Variants in RANBP2 observed in about 807,000 individuals in gnomAD.
RANBP2 encodes RAN binding protein 2.
In RANBP2, 57 loss-of-function variants were observed where a neutral mutation model predicts 303.6. The ratio of observed to expected loss-of-function variants is 0.19; its 90% CI spans 0.15 to 0.23. RANBP2 has a LOEUF of 0.23. RANBP2 is among the 10% of genes least tolerant of loss of function. RANBP2 has a pLI of 1.00. For synonymous variants in RANBP2, 1,167 were observed against 1,301.5 expected (o/e 0.90, Z 2.23); for missense variants, 3,138 against 3,780.8 (o/e 0.83, Z 4.46).
At chr2:108,996,210 G>A in the RANBP2 span, among the ~76,000 whole-genome samples, 3 of 152,190 alleles carry the variant, frequency 2.0e-5, no homozygotes, top group Non-Finnish European at 4.4e-5. Context: ...TAGGTGCCAG[G>A]CTTCTGGTGT....
the RANBP2 span, among the ~76,000 whole-genome samples, chr2:108,935,824 A>G: frequency 6.6e-6 from 1 of 152,190 alleles, no homozygotes; most frequent in Non-Finnish European, 1.5e-5. Flanking sequence ...CTGTCCAGGG[A>G]GCCAGACATG....
the RANBP2 span, among the ~76,000 whole-genome samples, chr2:108,920,181 G>T: frequency 6.6e-5 from 10 of 152,350 alleles, no homozygotes; most frequent in African/African-American, 2.4e-4. Flanking sequence ...GGGCTGGGAT[G>T]CTTCATCTCT....
the RANBP2 span, chr2:109,565,622 A>G: frequency 1.4e-6 from 1 of 724,602 alleles, no homozygotes; most frequent in Non-Finnish European, 2.4e-6. Context: ...CGGCCTCCAG[A>G]CTTTGGCTAA....
the RANBP2 span, among the ~76,000 whole-genome samples, chr2:109,276,092 G>A: frequency 6.6e-6 from 1 of 152,136 alleles, no homozygotes; most frequent in African/African-American, 2.4e-5. Context: ...TCCCAGGAAG[G>A]GGGATCTCGG....
At chr2:109,760,428 G>T in the RANBP2 span, 99 of 926,328 alleles carry the variant, frequency 1.1e-4, 2 homozygotes, top group African/African-American at 1.2e-4. Context: ...CGGCGGCGGC[G>T]GCGCAGGGCC....
At chr2:108,748,230 C>T (rs1244071869) in intron 8 of RANBP2, among the ~76,000 whole-genome samples, 4 of 149,436 alleles carry the variant, frequency 2.7e-5, no homozygotes, top group Admixed American at 2.0e-4. Context: ...TTTCCTGAGA[C>T]AGAGTCTTAC....
chr2:109,166,894 C>G, the RANBP2 span, among the ~76,000 whole-genome samples: 1 of 152,248 alleles, frequency 6.6e-6, no homozygotes, highest in African/African-American at 2.4e-5. Flanking sequence ...GGGCTTACTA[C>G]TTTAAAACAT....
the RANBP2 span, chr2:108,930,088 C>T: frequency 1.6e-5 from 25 of 1,601,334 alleles, no homozygotes; most frequent in Admixed American, 5.1e-5. Context: ...CCCCTGAGAG[C>T]GCACCAGGCT....
chr2:109,635,102 C>T, the RANBP2 span, among the ~76,000 whole-genome samples: 1 of 143,372 alleles, frequency 7.0e-6, no homozygotes, highest in Non-Finnish European at 1.6e-5. Flanking sequence ...TATAAAACTC[C>T]AGTGTTAAAA....
At chr2:108,894,420 C>T in the RANBP2 span, 8 of 152,440 alleles carry the variant, frequency 5.2e-5, no homozygotes, top group African/African-American at 1.2e-4. Flanking sequence ...ACTCACCCCC[C>T]GACCCACCAC....
chr2:109,178,445 T>C, the RANBP2 span, among the ~76,000 whole-genome samples: 1 of 152,212 alleles, frequency 6.6e-6, no homozygotes, highest in African/African-American at 2.4e-5. Flanking sequence ...CTCTAGATGG[T>C]CTCCTGTAGC....
chr2:109,200,451 A>G, the RANBP2 span, among the ~76,000 whole-genome samples: 2 of 151,836 alleles, frequency 1.3e-5, no homozygotes, highest in African/African-American at 4.8e-5. Context: ...GTCCCTGGGT[A>G]TGGCTGTGAC....
At chr2:108,906,462 C>T in the RANBP2 span, 4,568 of 1,298,070 alleles carry the variant, frequency 3.5e-3, 21 homozygotes, top group South Asian at 7.0e-3. Flanking sequence ...GCAGCAGCTA[C>T]GCCCAACACC....
chr2:109,370,213 CTG>C, the RANBP2 span, among the ~76,000 whole-genome samples: 4 of 149,328 alleles, frequency 2.7e-5, no homozygotes, highest in African/African-American at 5.1e-5. Context: ...GTCTCTGTCT[CTG>C]TCTCTGTCTC....
At chr2:109,255,523 A>T in the RANBP2 span, among the ~76,000 whole-genome samples, 1 of 152,192 alleles carries the variant, frequency 6.6e-6, no homozygotes, top group Non-Finnish European at 1.5e-5. Flanking sequence ...AAAATTAGCA[A>T]ATAACCCCAT....
chr2:109,125,610 G>A, the RANBP2 span, among the ~76,000 whole-genome samples: 3 of 152,158 alleles, frequency 2.0e-5, no homozygotes, highest in African/African-American at 7.2e-5. Context: ...TTTCATGAAG[G>A]CATCCGAAGA....
chr2:109,671,716 A>C, the RANBP2 span, among the ~76,000 whole-genome samples: 1 of 152,104 alleles, frequency 6.6e-6, no homozygotes, highest in Admixed American at 6.5e-5. Context: ...ATGAATCAGG[A>C]AGGGGAAAAA....
At chr2:109,633,235 A>C in the RANBP2 span, among the ~76,000 whole-genome samples, 2 of 152,100 alleles carry the variant, frequency 1.3e-5, no homozygotes, top group Non-Finnish European at 2.9e-5. Context: ...TCTACTAAAA[A>C]TACACAGATT....
At chr2:109,538,184 G>A in the RANBP2 span, among the ~76,000 whole-genome samples, 1 of 152,122 alleles carries the variant, frequency 6.6e-6, no homozygotes, top group African/African-American at 2.4e-5. Context: ...CACCCTCCAA[G>A]CCAGCAGCAT....
Sources: allele counts gnomAD v4.1 joint callset (sites outside exome capture counted in the v4.1 genomes callset), GRCh38; gene constraint gnomAD v4.1.1; transcripts MANE v1.5; gene names NCBI Gene and HGNC (gene_info 2026-07-23, HGNC 2026-07-21).